Variants in PHACTR3 observed in about 807,000 individuals in gnomAD.
PHACTR3 encodes protein phosphatase 1, regulatory subunit 123.
Under a neutral mutation model 66.8 loss-of-function variants are expected in PHACTR3, and 16 were observed. The observed-to-expected ratio is 0.24, with a 90% confidence interval of 0.16 to 0.36. PHACTR3 has a LOEUF of 0.36. Among genes scored for constraint, PHACTR3 ranks in the 10% least tolerant of loss-of-function variants. The probability of loss-of-function intolerance (pLI) is 1.00; values close to 1 mark genes in which losing one functional copy is unlikely to be tolerated. For missense variants in PHACTR3, 647 were observed against 719.9 expected (o/e 0.90, Z 1.16); for synonymous variants, 323 against 292.1 (o/e 1.11, Z -1.08).
intron 7 of PHACTR3, among the ~76,000 whole-genome samples, chr20:59,781,386 G>A (rs1020248597): frequency 1.3e-5 from 2 of 152,184 alleles, no homozygotes; most frequent in Non-Finnish European, 2.9e-5. Context: ...AACCCACGGC[G>A]CCCAGCCTCA....
intron 11 of PHACTR3, among the ~76,000 whole-genome samples, chr20:59,841,797 T>C (rs1303408369): frequency 6.6e-6 from 1 of 152,152 alleles, no homozygotes; most frequent in East Asian, 1.9e-4. Context: ...TGGCATCTCC[T>C]GGTAGAGGCC....
rs527251020 is a variant in PHACTR3, at chr20:59,736,850, A to G, written c.119-6257A>G. On this transcript the variant is annotated intron_variant, in intron 1 of 12. Coordinates refer to ENST00000371015, the MANE Select transcript of PHACTR3 (RefSeq NM_080672.5). This position sits in a 1 kb window ranked among gnomAD's most constrained non-coding sequence, Gnocchi z 4.6. Reference sequence around the variant, plus strand: ...GTCCTGGGCTTGAGCCACCCCAGGGAAGGCAGAGGGGAGAGGGAATTTCCT... The same window carrying G: ...GTCCTGGGCTTGAGCCACCCCAGGGGAGGCAGAGGGGAGAGGGAATTTCCT... Among the ~76,000 whole-genome samples the G allele has an allele frequency of 2.0e-5, 3 of 152,130 alleles. No individual in the cohort carries two copies. Among genetic ancestry groups the G allele is most frequent in the East Asian group, 3.9e-4 (2 of 5,154 alleles).
At chr20:59,671,130 G>T (rs572176000) in intron 1 of PHACTR3, among the ~76,000 whole-genome samples, 2 of 152,022 alleles carry the variant, frequency 1.3e-5, no homozygotes, top group Non-Finnish European at 2.9e-5. Flanking sequence ...TCTTCATTTA[G>T]CATCAATTCC....
At chr20:59,815,456 C>T (rs940365280) in intron 8 of PHACTR3, among the ~76,000 whole-genome samples, 1 of 139,406 alleles carries the variant, frequency 7.2e-6, no homozygotes, top group Admixed American at 7.6e-5. Flanking sequence ...GATGGACTCT[C>T]ACTCTGTCTC....
At chr20:59,764,090 G>A (rs1006657983) in intron 4 of PHACTR3, among the ~76,000 whole-genome samples, 1 of 152,196 alleles carries the variant, frequency 6.6e-6, no homozygotes, top group Non-Finnish European at 1.5e-5. Flanking sequence ...TGCAGGCCAA[G>A]CGGGACAACC....
chr20:59,625,760 T>A (rs1317729210), intron 1 of PHACTR3, among the ~76,000 whole-genome samples: 1 of 152,150 alleles, frequency 6.6e-6, no homozygotes, highest in Non-Finnish European at 1.5e-5. Flanking sequence ...CTGTCTTGCG[T>A]GACAGCCCGG....
intron 1 of PHACTR3, among the ~76,000 whole-genome samples, chr20:59,692,222 C>T (rs144361651): frequency 0.011 from 1,712 of 152,238 alleles, 27 homozygotes; most frequent in African/African-American, 0.039. Flanking sequence ...GTGTGAAATC[C>T]AGGCTCAAGA....
intron 11 of PHACTR3, 28 bp downstream of exon 11, chr20:59,841,563 GT>G (rs1268129935): frequency 6.3e-7 from 1 of 1,596,556 alleles, no homozygotes; most frequent in African/African-American, 1.3e-5. Flanking sequence ...CTGGTGGGGG[GT>G]GTTGGATGAT....
At chr20:59,782,712 G>A (rs1028463759) in intron 7 of PHACTR3, among the ~76,000 whole-genome samples, 4 of 152,142 alleles carry the variant, frequency 2.6e-5, no homozygotes, top group Non-Finnish European at 5.9e-5. Context: ...AAGTATGGGG[G>A]AAACCACCCC....
chr20:59,630,361 T>C (rs1340096191), intron 1 of PHACTR3, among the ~76,000 whole-genome samples: 1 of 152,012 alleles, frequency 6.6e-6, no homozygotes, highest in African/African-American at 2.4e-5. Flanking sequence ...TTTTATATTT[T>C]TAGTAGAGAC....
At position 59,847,225 on chromosome 20, in the gene PHACTR3, C is replaced by A; in HGVS notation, c.*95C>A. 1 of 880,346 alleles carries A rather than the reference C, an allele frequency of 1.1e-6. No individual in the cohort carries two copies. Among genetic ancestry groups the A allele is most frequent in the Non-Finnish European group, 1.8e-6 (1 of 547,734 alleles). 54.5% of individuals were successfully genotyped at this position (880,346 alleles called of 1,614,324 possible). A position where few individuals can be genotyped will look rare whatever the true frequency, so the allele number is the denominator to read the frequency against. ...TCCTGAAGTTCAGCTCAAGACTACC[C>A]TACCTGCTGTGTTTGTGAGAAGAGT... On this transcript the variant is annotated 3_prime_UTR_variant, in exon 13 of 13. Transcript: ENST00000371015.
chr20:59,755,216 A>G lies in PHACTR3; in HGVS notation c.393A>G (p.Gly131=). 1 of 1,613,272 alleles carries G rather than the reference A, an allele frequency of 6.2e-7. No individual in the cohort carries two copies. The highest frequency in any genetic ancestry group is 8.5e-7 in the Non-Finnish European group (1 of 1,179,920). Residue 131 remains glycine, a synonymous_variant, in exon 4 of 13, where the codon GGA becomes GGG. Coordinates refer to ENST00000371015, the MANE Select transcript of PHACTR3 (RefSeq NM_080672.5). ...GCAAAACTTGCAACCCCGATGGAGGACCCCGATCTGTACAGAGTGAACCAC... is the reference window on the plus strand; with the variant it reads ...GCAAAACTTGCAACCCCGATGGAGGGCCCCGATCTGTACAGAGTGAACCAC... ...AESKTCNPDG[G]PRSVQSEPPT...
chr20:59,640,327 C>T (rs766501083), intron 1 of PHACTR3, among the ~76,000 whole-genome samples: 16 of 152,162 alleles, frequency 1.1e-4, no homozygotes, highest in Non-Finnish European at 1.0e-4. Context: ...AGGTCATGTG[C>T]GCAGAAGGGT....
chr20:59,595,245 G>A (rs192256234), intron 1 of PHACTR3, among the ~76,000 whole-genome samples: 30 of 152,152 alleles, frequency 2.0e-4, no homozygotes, highest in African/African-American at 6.5e-4. Flanking sequence ...GGTGGATCAC[G>A]AGGTCAGGAG....
chr20:59,743,317 C>T (rs2039243679), intron 2 of PHACTR3, 49 bp downstream of exon 2: 2 of 1,604,642 alleles, frequency 1.2e-6, no homozygotes, highest in South Asian at 1.1e-5. Flanking sequence ...GGACCAGCGT[C>T]CTTGGCATGG....
chr20:59,714,456 A>G (rs2038020725), intron 1 of PHACTR3, among the ~76,000 whole-genome samples: 1 of 152,234 alleles, frequency 6.6e-6, no homozygotes, highest in Non-Finnish European at 1.5e-5. Context: ...TTCTTTTCCT[A>G]CTGCACAGCT....
At chr20:59,584,344 T>G (rs1437210375) in intron 1 of PHACTR3, among the ~76,000 whole-genome samples, 17 of 149,628 alleles carry the variant, frequency 1.1e-4, no homozygotes. Context: ...GATGAGTGCA[T>G]GTGCCTGTGT....
intron 1 of PHACTR3, among the ~76,000 whole-genome samples, chr20:59,630,168 A>G (rs528602432): frequency 4.3e-4 from 66 of 152,206 alleles, no homozygotes; most frequent in Admixed American, 1.1e-3. Flanking sequence ...TATCAGGTAT[A>G]TGTCTGTTTA....
chr20:59,723,107 T>TTTC (rs1420259501), intron 1 of PHACTR3, among the ~76,000 whole-genome samples: 3 of 148,810 alleles, frequency 2.0e-5, no homozygotes, highest in Non-Finnish European at 4.5e-5. Context: ...TCTTTCTTTC[T>TTTC]TTCTTTCTTT....
Sources: gnomAD v4.1 joint callset for allele counts (sites outside exome capture counted in the v4.1 genomes callset) on GRCh38, gnomAD v4.1.1 for gene constraint, Gnocchi (gnomAD v3.1) non-coding constraint, MANE v1.5 for transcripts, NCBI Gene and HGNC (gene_info 2026-07-23, HGNC 2026-07-21) for gene names.